COMMD10: variants seen among roughly 807,000 people sequenced by gnomAD.
COMMD10 encodes COMM domain containing 10.
In COMMD10, 33 loss-of-function variants were observed where a neutral mutation model predicts 28.9. That is an observed-to-expected ratio of 1.14 (90% CI 0.87 to 1.53). The LOEUF (loss-of-function observed/expected upper bound fraction) is 1.53, where lower values mean the gene tolerates loss of function less well. COMMD10 is among the 40% of genes most tolerant of loss of function. The probability of loss-of-function intolerance (pLI) is 0.00; values close to 1 mark genes in which losing one functional copy is unlikely to be tolerated. For missense variants in COMMD10, 310 were observed against 233.4 expected (o/e 1.33, Z -2.14); for synonymous variants, 110 against 81.7 (o/e 1.35, Z -1.87).
chr5:116,154,786 CA>C (rs1391281340), intron 5 of COMMD10, among the ~76,000 whole-genome samples: 2 of 51,530 alleles, frequency 3.9e-5, no homozygotes, highest in East Asian at 6.6e-4. Context: ...GATAGCCCTT[CA>C]TTTTTTTTTT....
chr5:116,253,936 C>T lies in COMMD10; in HGVS notation c.511-37581C>T, dbSNP rs181467189. On this transcript the variant is annotated intron_variant, in intron 5 of 6. Transcript: ENST00000274458. ...TGAATCCATCTGGTCCTGGACTCTT[C>T]TTGGTTGGTAAGCTATTGATTATTG... is the stretch of plus-strand genomic sequence containing the variant. 5.8e-3 allele frequency among the ~76,000 whole-genome samples: 875 copies of T among 151,768 alleles called. 8 individuals are homozygous for T. Among genetic ancestry groups the T allele is most frequent in the African/African-American group, 0.02 (817 of 41,304 alleles).
At chr5:116,212,495 GC>G (rs1748991452) in intron 5 of COMMD10, among the ~76,000 whole-genome samples, 1 of 2,728 alleles carries the variant, frequency 3.7e-4, no homozygotes, top group Non-Finnish European at 1.9e-3. Flanking sequence ...GTACTGAAAT[GC>G]TGTGTGTGTG....
At chr5:116,280,682 T>G (rs540602441) in intron 5 of COMMD10, among the ~76,000 whole-genome samples, 1 of 151,990 alleles carries the variant, frequency 6.6e-6, no homozygotes, top group East Asian at 1.9e-4. Flanking sequence ...AAGTAGAGTT[T>G]CATGGTTTAT....
intron 5 of COMMD10, among the ~76,000 whole-genome samples, chr5:116,261,998 G>T (rs1056102146): frequency 5.3e-5 from 8 of 151,614 alleles, no homozygotes; most frequent in Non-Finnish European, 8.8e-5. Flanking sequence ...AATCCTTAGA[G>T]ATCTAAGTTT....
At position 116,145,879 on chromosome 5, in the gene COMMD10, T is replaced by C. The variant is rs529325474; in HGVS notation, c.510+11701T>C. Among the ~76,000 whole-genome samples the C allele has an allele frequency of 9.2e-5, 14 of 152,040 alleles. No individual in the cohort carries two copies. The South Asian group carries it at 2.7e-3, about 29-fold the overall frequency. On this transcript the variant is annotated intron_variant, in intron 5 of 6. Coordinates refer to ENST00000274458, the MANE Select transcript of COMMD10 (RefSeq NM_016144.4). ...GCCTTCTGCCATGATTGTAAGTTTCTTGAGGCCTTCCCAGCCATGCTGAAC... is the reference window on the plus strand; with the variant it reads ...GCCTTCTGCCATGATTGTAAGTTTCCTGAGGCCTTCCCAGCCATGCTGAAC...
At chr5:116,191,828 G>A (rs2112613016) in intron 5 of COMMD10, among the ~76,000 whole-genome samples, 1 of 152,142 alleles carries the variant, frequency 6.6e-6, no homozygotes, top group South Asian at 2.1e-4. Context: ...CTGGCAGGAG[G>A]CCAACCAGCA....
chr5:116,194,824 A>G (rs1361494650), intron 5 of COMMD10, among the ~76,000 whole-genome samples: 2 of 152,158 alleles, frequency 1.3e-5, no homozygotes, highest in South Asian at 2.1e-4. Flanking sequence ...TGAAGCTAGC[A>G]TTACCCTAAT....
Position 116,218,486 on chromosome 5 carries a change from A to C in COMMD10, c.511-73031A>C, listed in dbSNP as rs560743484. ...AGTTGTTTATTACTTTTCACTGTTA[A>C]AAATAGTTTTTCCTCACACAATTTC... On this transcript the variant is annotated intron_variant, in intron 5 of 6. Coordinates refer to ENST00000274458, the MANE Select transcript of COMMD10 (RefSeq NM_016144.4). Among the ~76,000 whole-genome samples the C allele has an allele frequency of 4.6e-5, 7 of 152,252 alleles. 1 individual carries two copies. The South Asian group carries it at 1.5e-3, about 32-fold the overall frequency.
intron 5 of COMMD10, among the ~76,000 whole-genome samples, chr5:116,254,001 G>C (rs554533881): frequency 4.6e-5 from 7 of 152,112 alleles, no homozygotes; most frequent in East Asian, 3.9e-4. Flanking sequence ...TTCAGAGATT[G>C]AACTTCTTCC....
chr5:116,171,644 A>G (rs1290739970), intron 5 of COMMD10, among the ~76,000 whole-genome samples: 1 of 152,218 alleles, frequency 6.6e-6, no homozygotes, highest in East Asian at 1.9e-4. Context: ...AATACTATTC[A>G]GCCATAAAAA....
At chr5:116,188,161 C>T (rs1388927245) in intron 5 of COMMD10, among the ~76,000 whole-genome samples, 2 of 152,074 alleles carry the variant, frequency 1.3e-5, no homozygotes, top group African/African-American at 4.8e-5. Flanking sequence ...CCAATTAGTA[C>T]TCATGATGGA....
chr5:116,225,148 G>T (rs1002245864), intron 5 of COMMD10, among the ~76,000 whole-genome samples: 1 of 151,744 alleles, frequency 6.6e-6, no homozygotes, highest in African/African-American at 2.4e-5. Context: ...TTCTGTTTTT[G>T]TTGTTTCTTT....
chr5:116,257,247 A>T (rs1254744973), intron 5 of COMMD10, among the ~76,000 whole-genome samples: 1 of 151,642 alleles, frequency 6.6e-6, no homozygotes, highest in African/African-American at 2.4e-5. Context: ...CAGTGCTCAA[A>T]AACTTTCAGA....
chr5:116,273,476 C>T (rs963984268), intron 5 of COMMD10, among the ~76,000 whole-genome samples: 1 of 151,736 alleles, frequency 6.6e-6, no homozygotes, highest in Admixed American at 6.6e-5. Flanking sequence ...TTCTACAAAA[C>T]AATTTCAAGT....
At position 116,256,288 on chromosome 5, in the gene COMMD10, G is replaced by T. The variant is rs555519959; in HGVS notation, c.511-35229G>T. Among the ~76,000 whole-genome samples the T allele has an allele frequency of 2.5e-4, 38 of 151,758 alleles. No homozygotes were observed. The South Asian group carries it at 7.9e-3, about 31-fold the overall frequency. On this transcript the variant is annotated intron_variant, in intron 5 of 6. Transcript: ENST00000274458. ...AGTGGAAACTTCAAATGGCAGTATC[G>T]AACTTCTGTTCCTTTTGGGGTTGTT...
chr5:116,171,897 A>G (rs1013232336), intron 5 of COMMD10, among the ~76,000 whole-genome samples: 19 of 152,136 alleles, frequency 1.2e-4, no homozygotes, highest in South Asian at 4.1e-4. Flanking sequence ...TGATGGTGCA[A>G]CAAACCACCA....
At chr5:116,177,632 C>T (rs1753559926) in intron 5 of COMMD10, among the ~76,000 whole-genome samples, 1 of 151,738 alleles carries the variant, frequency 6.6e-6, no homozygotes, top group African/African-American at 2.4e-5. Flanking sequence ...TAGGAACTTT[C>T]TGTATTCAAT....
intron 2 of COMMD10, among the ~76,000 whole-genome samples, chr5:116,087,969 C>T (rs371020594): frequency 3.9e-5 from 6 of 151,904 alleles, no homozygotes; most frequent in African/African-American, 9.7e-5. Context: ...TTTATTTTTC[C>T]GCTTAAAAAT....
chr5:116,286,267 T>C (rs1580611926), intron 5 of COMMD10, among the ~76,000 whole-genome samples: 2 of 151,578 alleles, frequency 1.3e-5, no homozygotes, highest in East Asian at 3.9e-4. Flanking sequence ...TTAATTAGTC[T>C]AGCTAAGGAT....
Sources: gnomAD v4.1 joint callset for allele counts (sites outside exome capture counted in the v4.1 genomes callset) on GRCh38, gnomAD v4.1.1 for gene constraint, MANE v1.5 for transcripts, NCBI Gene and HGNC (gene_info 2026-07-23, HGNC 2026-07-21) for gene names.